Variants in ZBTB20 observed in about 807,000 individuals in gnomAD.
ZBTB20 encodes zinc finger and BTB domain containing 20, also known as zinc finger and BTB domain-containing protein 20.
ZBTB20 carries 9 observed loss-of-function variants against 56.9 expected under a neutral mutation model. The observed-to-expected ratio is 0.16, with a 90% CI of 0.10 to 0.28. The LOEUF is 0.28. ZBTB20 is among the 10% of genes least tolerant of loss of function. The pLI, the probability that ZBTB20 is intolerant of heterozygous loss-of-function variation, is 1.00. For missense variants in ZBTB20, 655 were observed against 1,003.0 expected (o/e 0.65, Z 4.69); for synonymous variants, 417 against 420.7 (o/e 0.99, Z 0.11).
chr3:114,855,678 T>C (rs2075218597), intron 4 of ZBTB20, among the ~76,000 whole-genome samples: 1 of 152,104 alleles, frequency 6.6e-6, no homozygotes, highest in Non-Finnish European at 1.5e-5. Flanking sequence ...GGAAAGCTAC[T>C]ACCTCTCCTC....
intron 2 of ZBTB20, among the ~76,000 whole-genome samples, chr3:115,040,739 T>C (rs558172343): frequency 2.0e-5 from 3 of 152,272 alleles, no homozygotes. Context: ...CATGGTTACA[T>C]TTGCATTTTA....
intron 7 of ZBTB20, among the ~76,000 whole-genome samples, chr3:114,494,356 C>G (rs1348949137): frequency 6.6e-6 from 1 of 152,162 alleles, no homozygotes; most frequent in Non-Finnish European, 1.5e-5. Flanking sequence ...GTTCTTACCC[C>G]AGGTATATGC....
At chr3:114,920,707 A>G (rs1285289418) in intron 3 of ZBTB20, among the ~76,000 whole-genome samples, 1 of 152,124 alleles carries the variant, frequency 6.6e-6, no homozygotes, top group African/African-American at 2.4e-5. Context: ...AAAAAAGAAC[A>G]AAGTGCACAA....
intron 8 of ZBTB20, among the ~76,000 whole-genome samples, chr3:114,386,307 A>AT (rs576136269): frequency 8.6e-5 from 13 of 151,632 alleles, no homozygotes; most frequent in Admixed American, 3.3e-4. Context: ...CTGATTTATA[A>AT]TTTTTTTTTC....
intron 2 of ZBTB20, among the ~76,000 whole-genome samples, chr3:114,978,251 A>T (rs962738594): frequency 2.7e-5 from 4 of 148,570 alleles, no homozygotes; most frequent in Non-Finnish European, 5.9e-5. Context: ...ATATTTAAAC[A>T]TATATAAAAT....
chr3:114,545,785 A>C (rs2049808130), intron 6 of ZBTB20, among the ~76,000 whole-genome samples: 1 of 152,156 alleles, frequency 6.6e-6, no homozygotes, highest in South Asian at 2.1e-4. Flanking sequence ...CAGTTCTTTA[A>C]TTCATGGCCA....
chr3:114,748,323 TTTC>T lies in ZBTB20; in HGVS notation c.-343+52775_-343+52777del, dbSNP rs1560201946. 3.3e-3 allele frequency among the ~76,000 whole-genome samples: 408 copies of T among 124,924 alleles called. 2 individuals are homozygous for T. Among genetic ancestry groups the T allele is most frequent in the African/African-American group, 0.01 (323 of 32,036 alleles). 82.0% of individuals were successfully genotyped at this position (124,924 alleles called of 152,430 possible). On this transcript the variant is annotated intron_variant, in intron 5 of 11. Transcript: ENST00000675478. Reference sequence around the variant, plus strand: ...CTTTCTTTCTTTCTTTCTTTCTTTCTTTCTTTCTTTCTTCTTTCTTTCTTTCTT... The same window carrying T: ...CTTTCTTTCTTTCTTTCTTTCTTTCTTTTCTTTCTTCTTTCTTTCTTTCTT...
At position 114,339,242 on chromosome 3, in the gene ZBTB20, C is replaced by T; in HGVS notation, c.1989G>A (p.Glu663=). ...AGAACTTCTTTTTGCAGATGTAGCACTCGTAGGACTTCTCTCCCCGGTGGA... is the reference window on the plus strand; with the variant it reads ...AGAACTTCTTTTTGCAGATGTAGCATTCGTAGGACTTCTCTCCCCGGTGGA... ...MRLHRGEKSY[E]CYICKKKFSH... Residue 663 remains glutamate, a synonymous_variant, in exon 12 of 12, where the codon GAG becomes GAA. Transcript: ENST00000675478. The surrounding 1 kb of genome is among the most constrained non-coding windows in gnomAD (Gnocchi z 4.2). The T allele has an allele frequency of 6.2e-7, 1 of 1,614,224 alleles. No homozygotes were observed. Among genetic ancestry groups the T allele is most frequent in the Non-Finnish European group, 8.5e-7 (1 of 1,180,042 alleles).
intron 2 of ZBTB20, among the ~76,000 whole-genome samples, chr3:115,001,016 T>G (rs2079223920): frequency 1.3e-5 from 2 of 151,008 alleles, no homozygotes; most frequent in South Asian, 4.2e-4. Context: ...ATGTACTAAA[T>G]TCTTGACCAT....
intron 3 of ZBTB20, among the ~76,000 whole-genome samples, chr3:114,917,727 C>G (rs1053611331): frequency 4.0e-5 from 6 of 148,408 alleles, no homozygotes; most frequent in Middle Eastern, 3.4e-3. Context: ...CAAACAGAGT[C>G]TCTCTGTGTG....
intron 4 of ZBTB20, among the ~76,000 whole-genome samples, chr3:114,811,846 T>C (rs1440475283): frequency 8.1e-6 from 1 of 124,218 alleles, no homozygotes; most frequent in African/African-American, 3.0e-5. Context: ...TCCGTCACCT[T>C]GTTGTATAAG....
intron 2 of ZBTB20, among the ~76,000 whole-genome samples, chr3:115,014,281 G>A (rs2079849483): frequency 6.6e-6 from 1 of 151,582 alleles, no homozygotes; most frequent in African/African-American, 2.4e-5. Context: ...GTTTGGGGTA[G>A]GGGGAGAAGT....
At chr3:114,779,643 T>C (rs533211083) in intron 5 of ZBTB20, among the ~76,000 whole-genome samples, 1 of 152,324 alleles carries the variant, frequency 6.6e-6, no homozygotes, top group East Asian at 1.9e-4. Flanking sequence ...AAGCTAATAA[T>C]CTGTACTGTG....
At chr3:115,043,906 T>C (rs1271731773) in intron 2 of ZBTB20, among the ~76,000 whole-genome samples, 1 of 152,178 alleles carries the variant, frequency 6.6e-6, no homozygotes, top group African/African-American at 2.4e-5. Context: ...ACCTAATGAA[T>C]GGCTTGGCAC....
intron 5 of ZBTB20, among the ~76,000 whole-genome samples, chr3:114,703,499 A>C (rs1307605523): frequency 5.6e-5 from 5 of 88,630 alleles, no homozygotes; most frequent in Non-Finnish European, 1.7e-4. Context: ...AAATGGAGGG[A>C]CTACTTTTTT....
rs765274174 is a variant in ZBTB20 at position 114,351,506 on chromosome 3, C to A, written c.572G>T (p.Arg191Leu). 3 of 1,613,932 alleles carry A rather than the reference C, an allele frequency of 1.9e-6. No homozygotes were observed. Among genetic ancestry groups the A allele is most frequent in the Admixed American group, 1.7e-5 (1 of 60,020 alleles). The change falls in exon 11 of 12, where the codon CGC (arginine) becomes CTC (leucine). Residue 191 changes from arginine (R) to leucine (L), a missense_variant. Arg to Leu is a moderately radical substitution (Grantham distance 102). This residue lies in a region of ZBTB20 where 167 missense variants were observed against 281.9 expected (regional missense o/e 0.59). Transcript: ENST00000675478. ...ATCGCCCACGTTCTGTGACACGATGCGCGTGCACTCGTCGATGACTGTTTT... is the reference window on the plus strand; with the variant it reads ...ATCGCCCACGTTCTGTGACACGATGAGCGTGCACTCGTCGATGACTGTTTT... Reference protein sequence around the residue: ...QIKTVIDECTRIVSQNVGDVF... With the variant: ...QIKTVIDECTLIVSQNVGDVF...
In ZBTB20 at chr3:115,111,143, C is replaced by T. The variant is rs554972290; in HGVS notation, c.-703+36076G>A. On this transcript the variant is annotated intron_variant, in intron 1 of 11. Coordinates refer to ENST00000675478, the MANE Select transcript of ZBTB20 (RefSeq NM_001348800.3). ...TATGATGTACTACTCTATTTCAAAC[C>T]GATGGCACTTTACCACTGAAAATGT... Among the ~76,000 whole-genome samples, 8 of 151,942 alleles carry T rather than the reference C, an allele frequency of 5.3e-5. No individual in the cohort carries two copies. In the East Asian group the frequency reaches 1.4e-3, roughly 26 times the overall value.
chr3:114,736,401 T>C (rs188031595), intron 5 of ZBTB20, among the ~76,000 whole-genome samples: 58 of 152,324 alleles, frequency 3.8e-4, no homozygotes, highest in Middle Eastern at 6.8e-3. Flanking sequence ...TTACTGACTA[T>C]ATTTTCTTCC....
At chr3:114,628,584 C>T (rs2058767333) in intron 6 of ZBTB20, among the ~76,000 whole-genome samples, 1 of 152,108 alleles carries the variant, frequency 6.6e-6, no homozygotes. Flanking sequence ...TATTTCACCT[C>T]CACCACCCAT....
Sources: gnomAD v4.1 joint callset for allele counts (sites outside exome capture counted in the v4.1 genomes callset) on GRCh38, gnomAD v4.1.1 for gene constraint, gnomAD v4.1.1 regional missense constraint, Gnocchi (gnomAD v3.1) non-coding constraint, MANE v1.5 for transcripts, NCBI Gene and HGNC (gene_info 2026-07-23, HGNC 2026-07-21) for gene names.